Variants in BBS9 observed in about 807,000 individuals in gnomAD.
The protein encoded by BBS9 is protein PTHB1.
BBS9 carries 89 observed loss-of-function variants against 117.7 expected under a neutral mutation model. The observed-to-expected ratio is 0.76, with a 90% confidence interval of 0.64 to 0.90. BBS9 has a LOEUF of 0.90. Among genes scored for constraint, BBS9 ranks in the 40% least tolerant of loss-of-function variants. The pLI is 0.00. For synonymous variants in BBS9, 379 were observed against 370.9 expected (o/e 1.02, Z -0.25); for missense variants, 982 against 1,042.2 (o/e 0.94, Z 0.80).
chr7:33,544,447 G>A (rs1222717503), intron 21 of BBS9, among the ~76,000 whole-genome samples: 1 of 152,148 alleles, frequency 6.6e-6, no homozygotes, highest in East Asian at 1.9e-4. Flanking sequence ...CCGAACTATA[G>A]TGATTGTTGT....
At position 33,152,979 on chromosome 7, in the gene BBS9, G is replaced by T. The variant is rs10241188; in HGVS notation, c.263+128G>T. The T allele has an allele frequency of 0.18, 182,814 of 1,038,804 alleles. 17,088 individuals carry two copies. The highest frequency in any genetic ancestry group is 0.23 in the South Asian group (15,813 of 69,408). 64.3% of individuals were successfully genotyped at this position (1,038,804 alleles called of 1,614,324 possible). On this transcript the variant is annotated intron_variant, in intron 3 of 22. Coordinates refer to ENST00000242067, the MANE Select transcript of BBS9 (RefSeq NM_198428.3). The stretch of plus-strand genomic sequence containing the variant: ...TATTTTCTGGATATTGTCACCTAGG[G>T]GTTTCTCACGTATGGAATGCTTTTT...
intron 21 of BBS9, among the ~76,000 whole-genome samples, chr7:33,587,339 T>A (rs1861077432): frequency 6.6e-6 from 1 of 152,128 alleles, no homozygotes; most frequent in Non-Finnish European, 1.5e-5. Flanking sequence ...GAGCTGCTTC[T>A]TGGAGCTCCT....
In BBS9 at chr7:33,356,135, C is replaced by T. The variant is rs528749903; in HGVS notation, c.1553-1720C>T. ...GAAGATGGAAACAAGTTTAAGTTTC[C>T]TTGTTCTTTCCAGACTGTATCTATT... On this transcript the variant is annotated intron_variant, in intron 15 of 22. Transcript: ENST00000242067. Among the ~76,000 whole-genome samples the T allele has an allele frequency of 3.3e-5, 5 of 151,858 alleles. No individual in the cohort carries two copies. In the South Asian group the frequency reaches 1.0e-3, roughly 32 times the overall value.
At chr7:33,220,442 G>C (rs1790029406) in intron 5 of BBS9, among the ~76,000 whole-genome samples, 1 of 152,224 alleles carries the variant, frequency 6.6e-6, no homozygotes, top group South Asian at 2.1e-4. Flanking sequence ...ACCCGCACCT[G>C]AGATTTGCTT....
At chr7:33,589,702 G>A (rs1041212694) in intron 21 of BBS9, among the ~76,000 whole-genome samples, 2 of 152,120 alleles carry the variant, frequency 1.3e-5, no homozygotes, top group Non-Finnish European at 2.9e-5. Flanking sequence ...AAGGATAAGA[G>A]TAAAGTTTGG....
chr7:33,393,753 C>T (rs1341866496), intron 19 of BBS9, among the ~76,000 whole-genome samples: 2 of 152,150 alleles, frequency 1.3e-5, no homozygotes, highest in African/African-American at 2.4e-5. Flanking sequence ...CAACCATCCA[C>T]GAAGGGTTAT....
Position 33,176,386 on chromosome 7 carries a change from C to T in BBS9, c.329-1092C>T, listed in dbSNP as rs767274065. On this transcript the variant is annotated intron_variant, in intron 4 of 22. Transcript: ENST00000242067. The stretch of plus-strand genomic sequence containing the variant: ...GGGCAGCAGGATACAATACATAGTA[C>T]CTGGTTCTAAAGATTTGGTTTAGGT... 2.0e-4 allele frequency among the ~76,000 whole-genome samples: 31 copies of T among 152,226 alleles called. 1 individual carries two copies. Among genetic ancestry groups the T allele is most frequent in the South Asian group, 2.1e-4 (1 of 4,818 alleles).
intron 16 of BBS9, among the ~76,000 whole-genome samples, chr7:33,360,581 C>G (rs2128694519): frequency 6.8e-6 from 1 of 147,564 alleles, no homozygotes; most frequent in South Asian, 2.2e-4. Flanking sequence ...AGTGCGGTGG[C>G]ACAATCATGG....
At chr7:33,618,396 A>G (rs1865247721) in intron 21 of BBS9, among the ~76,000 whole-genome samples, 1 of 152,156 alleles carries the variant, frequency 6.6e-6, no homozygotes, top group Non-Finnish European at 1.5e-5. Flanking sequence ...CTATGAAAGT[A>G]TAAAACTCAC....
chr7:33,328,283 A>G (rs1479700687), intron 9 of BBS9, among the ~76,000 whole-genome samples: 2 of 152,146 alleles, frequency 1.3e-5, no homozygotes, highest in Non-Finnish European at 2.9e-5. Context: ...TGCTCTATCT[A>G]CTACATTGGA....
intron 14 of BBS9, 187 bp downstream of exon 14, chr7:33,351,510 C>T: frequency 1.6e-6 from 1 of 617,174 alleles, no homozygotes; most frequent in Admixed American, 2.4e-5. Context: ...GGCTATTTAG[C>T]TGATTTCCAT....
chr7:33,233,961 G>A (rs535583158), intron 5 of BBS9, among the ~76,000 whole-genome samples: 14 of 152,118 alleles, frequency 9.2e-5, no homozygotes, highest in African/African-American at 2.9e-4. Context: ...TAAACAATTC[G>A]TAAGTTTTAA....
intron 19 of BBS9, among the ~76,000 whole-genome samples, chr7:33,491,549 G>A (rs757170496): frequency 1.8e-4 from 28 of 152,108 alleles, no homozygotes; most frequent in Non-Finnish European, 4.0e-4. Context: ...CAGTTCAATT[G>A]AACAAATATT....
intron 21 of BBS9, among the ~76,000 whole-genome samples, chr7:33,553,984 G>T (rs1219613760): frequency 6.6e-6 from 1 of 152,124 alleles, no homozygotes; most frequent in Non-Finnish European, 1.5e-5. Context: ...TCGATAGGGT[G>T]ATTGGGGAAG....
At chr7:33,449,453 G>C (rs886641812) in intron 19 of BBS9, among the ~76,000 whole-genome samples, 6 of 152,178 alleles carry the variant, frequency 3.9e-5, no homozygotes, top group South Asian at 2.1e-4. Flanking sequence ...AACCCCTAGA[G>C]TAACTGGAAT....
chr7:33,307,525 T>C, intron 9 of BBS9, among the ~76,000 whole-genome samples: 1 of 151,986 alleles, frequency 6.6e-6, no homozygotes, highest in East Asian at 1.9e-4. Context: ...TCCCTTAGTA[T>C]GTGTGGGAGA....
At chr7:33,195,542 A>C (rs532319083) in intron 5 of BBS9, among the ~76,000 whole-genome samples, 4 of 152,208 alleles carry the variant, frequency 2.6e-5, no homozygotes, top group Admixed American at 2.6e-4. Context: ...TCTAGTAGAA[A>C]TACACTGTCT....
chr7:33,406,918 G>C (rs1191671494), intron 19 of BBS9, among the ~76,000 whole-genome samples: 1 of 150,322 alleles, frequency 6.7e-6, no homozygotes. Flanking sequence ...GTGTCTTGGA[G>C]TTGCTCTTCT....
At chr7:33,328,381 T>C (rs1334354297) in intron 9 of BBS9, among the ~76,000 whole-genome samples, 1 of 152,248 alleles carries the variant, frequency 6.6e-6, no homozygotes, top group Non-Finnish European at 1.5e-5. Context: ...CTTCTTTGCC[T>C]TTATAGCTTC....
Sources: allele counts gnomAD v4.1 joint callset (sites outside exome capture counted in the v4.1 genomes callset), GRCh38; gene constraint gnomAD v4.1.1; transcripts MANE v1.5; gene names NCBI Gene and HGNC (gene_info 2026-07-23, HGNC 2026-07-21).